The following PRKD3 variants were observed in gnomAD, a reference collection of about 807,000 sequenced individuals.
PRKD3 encodes serine/threonine-protein kinase D3.
PRKD3 carries 47 observed loss-of-function variants against 99.2 expected under a neutral mutation model. That is an observed-to-expected ratio of 0.47 (90% CI 0.38 to 0.60). The LOEUF (loss-of-function observed/expected upper bound fraction) is 0.60. Ranked by LOEUF, PRKD3 falls within the 20% of genes least tolerant of loss-of-function variation. The pLI, the probability that PRKD3 is intolerant of heterozygous loss-of-function variation, is 0.00. For synonymous variants in PRKD3, 392 were observed against 355.4 expected, an observed-to-expected ratio of 1.10 and a Z score of -1.16; for missense variants, 1,019 against 1,088.4, an observed-to-expected ratio of 0.94 and a Z score of 0.90.
At position 37,252,557 on chromosome 2, in the gene PRKD3, A is replaced by G. The variant is rs928231736; in HGVS notation, c.*620T>C. The G allele has an allele frequency of 2.6e-5, 4 of 152,144 alleles. No individual in the cohort carries two copies. Among genetic ancestry groups the G allele is most frequent in the African/African-American group, 9.7e-5 (4 of 41,426 alleles). 9.4% of individuals were successfully genotyped at this position (152,144 alleles called of 1,614,324 possible). A position where few individuals can be genotyped will look rare whatever the true frequency, so the allele number is the denominator to read the frequency against. ...GCAGAGCAACTCCAAAAAGGTTAGG[A>G]ATCACTATTTTGGAGTCTTGATTGA... is the stretch of plus-strand genomic sequence containing the variant. On this transcript the variant is annotated 3_prime_UTR_variant, in exon 19 of 19. Coordinates refer to ENST00000234179, the MANE Select transcript of PRKD3 (RefSeq NM_005813.6).
intron 18 of PRKD3, 185 bp from the exon 19 acceptor site, chr2:37,253,535 A>T (rs989209991): frequency 4.1e-6 from 2 of 490,638 alleles, no homozygotes; most frequent in African/African-American, 4.0e-5. Context: ...ATTTAAAGAA[A>T]TTTTTCAAAC....
intron 16 of PRKD3, among the ~76,000 whole-genome samples, chr2:37,259,028 T>C (rs575017191): frequency 8.1e-5 from 12 of 147,954 alleles, no homozygotes; most frequent in Admixed American, 2.1e-4. Flanking sequence ...TGCAATAAAT[T>C]TAGTGGATCA....
chr2:37,298,827 G>C (rs1355279055), intron 2 of PRKD3, among the ~76,000 whole-genome samples: 3 of 152,106 alleles, frequency 2.0e-5, no homozygotes, highest in African/African-American at 7.2e-5. Context: ...TTTTTTGGCA[G>C]AGTCTTTAGG....
At chr2:37,307,503 T>C (rs1005524836) in intron 2 of PRKD3, among the ~76,000 whole-genome samples, 2 of 152,214 alleles carry the variant, frequency 1.3e-5, no homozygotes, top group African/African-American at 4.8e-5. Context: ...CATTTCTATC[T>C]CTTTTCAGCT....
chr2:37,270,428 T>C (rs1465097137), intron 12 of PRKD3, among the ~76,000 whole-genome samples: 3 of 151,864 alleles, frequency 2.0e-5, no homozygotes, highest in Non-Finnish European at 4.4e-5. Flanking sequence ...AAAGAATATG[T>C]ATGAGAGAAA....
Position 37,254,900 on chromosome 2 carries a change from G to A in PRKD3, c.2414-611C>T, listed in dbSNP as rs866693191. On this transcript the variant is annotated intron_variant, in intron 17 of 18. Coordinates refer to ENST00000234179, the MANE Select transcript of PRKD3 (RefSeq NM_005813.6). ...TTTTAGTGTACATGGTGAGTTCTTG[G>A]TATATATATTTTATTCACTTATTTG... Among the ~76,000 whole-genome samples the A allele has an allele frequency of 1.2e-4, 18 of 152,214 alleles. 1 individual carries two copies. In the South Asian group the frequency reaches 3.1e-3, roughly 26 times the overall value.
At chr2:37,296,946 A>C (rs1176184582) in intron 2 of PRKD3, among the ~76,000 whole-genome samples, 2 of 151,874 alleles carry the variant, frequency 1.3e-5, no homozygotes, top group Non-Finnish European at 2.9e-5. Context: ...CTAAACTAAA[A>C]ACATGAGAAT....
At chr2:37,271,157 A>G (rs1408578127) in intron 12 of PRKD3, among the ~76,000 whole-genome samples, 1 of 152,188 alleles carries the variant, frequency 6.6e-6, no homozygotes, top group African/African-American at 2.4e-5. Flanking sequence ...CCCCAAGTAG[A>G]AAAATAGAGA....
Position 37,282,635 on chromosome 2 carries a change from T to A in PRKD3, c.911-16A>T, listed in dbSNP as rs995726833. 6.5e-7 allele frequency: 1 copy of A among 1,543,094 alleles called. No individual in the cohort carries two copies. The highest frequency in any genetic ancestry group is 9.0e-7 in the Non-Finnish European group (1 of 1,116,078). ...AATTTGCAATCTAAAATGAAAATAT[T>A]CAGCATATTAATTTATGTAAAAGTC... On this transcript the variant is annotated splice_polypyrimidine_tract_variant and intron_variant, in intron 6 of 18. Transcript: ENST00000234179.
intron 1 of PRKD3, among the ~76,000 whole-genome samples, chr2:37,323,208 T>C (rs562190134): frequency 4.0e-5 from 6 of 150,322 alleles, no homozygotes; most frequent in Admixed American, 1.3e-4. Context: ...TCTAAAAGAC[T>C]TACCATTATC....
chr2:37,312,912 C>T (rs1388806618), intron 2 of PRKD3, among the ~76,000 whole-genome samples: 1 of 152,102 alleles, frequency 6.6e-6, no homozygotes, highest in Non-Finnish European at 1.5e-5. Flanking sequence ...TTAGCTAATT[C>T]AGTGTTCTCA....
chr2:37,285,795 T>C (rs1252743750), intron 6 of PRKD3, among the ~76,000 whole-genome samples: 1 of 152,182 alleles, frequency 6.6e-6, no homozygotes, highest in African/African-American at 2.4e-5. Context: ...ACCTAATCTA[T>C]GTCTATAAAA....
At chr2:37,324,137 T>C in intron 1 of PRKD3, 1 of 981,638 alleles carries the variant, frequency 1.0e-6, no homozygotes, top group Non-Finnish European at 1.2e-6. Flanking sequence ...AACTAGCAAA[T>C]CCAAACGCAG....
At chr2:37,259,265 A>C (rs1668226071) in intron 16 of PRKD3, among the ~76,000 whole-genome samples, 1 of 152,156 alleles carries the variant, frequency 6.6e-6, no homozygotes, top group South Asian at 2.1e-4. Flanking sequence ...CATTTGTTTT[A>C]TTTATGAGGT....
At position 37,252,340 on chromosome 2, in the gene PRKD3, T is replaced by C. The variant is rs1468563962; in HGVS notation, c.*837A>G. On this transcript the variant is annotated 3_prime_UTR_variant, in exon 19 of 19. Transcript: ENST00000234179. ...CCTGCTGAATGCTGGAATCCAGTAC[T>C]GGCATCAAGATGGTGTCAGTCAGAA... The C allele has an allele frequency of 6.6e-6, 1 of 152,204 alleles. No homozygotes were observed. Among genetic ancestry groups the C allele is most frequent in the African/African-American group, 2.4e-5 (1 of 41,452 alleles). The allele number at this position is 152,204 out of a possible 1,614,324, so 9.4% of individuals were successfully genotyped here.
At chr2:37,320,315 C>A (rs1400494614) in intron 1 of PRKD3, among the ~76,000 whole-genome samples, 1 of 151,508 alleles carries the variant, frequency 6.6e-6, no homozygotes, top group African/African-American at 2.4e-5. Flanking sequence ...GGTTGTCTCA[C>A]GAGGTAATGA....
chr2:37,288,759 A>G (rs1670239826), intron 5 of PRKD3, among the ~76,000 whole-genome samples: 1 of 152,152 alleles, frequency 6.6e-6, no homozygotes, highest in Non-Finnish European at 1.5e-5. Flanking sequence ...CAACTGTCTC[A>G]TCTGTATACA....
At chr2:37,319,291 T>C (rs1390624525) in intron 1 of PRKD3, among the ~76,000 whole-genome samples, 1 of 152,188 alleles carries the variant, frequency 6.6e-6, no homozygotes, top group Non-Finnish European at 1.5e-5. Context: ...TGGATGTTAG[T>C]GTAGTTAAGT....
chr2:37,313,256 TA>T (rs1671517415), intron 2 of PRKD3, among the ~76,000 whole-genome samples: 1 of 150,456 alleles, frequency 6.6e-6, no homozygotes, highest in Admixed American at 6.6e-5. Context: ...TGTGTTCCAA[TA>T]AAACTCTATT....
Sources: allele counts gnomAD v4.1 joint callset (sites outside exome capture counted in the v4.1 genomes callset), GRCh38; gene constraint gnomAD v4.1.1; transcripts MANE v1.5; gene names NCBI Gene and HGNC (gene_info 2026-07-23, HGNC 2026-07-21).